The following POLA1 variants were observed in gnomAD, a reference collection of about 807,000 sequenced individuals.
POLA1 encodes DNA polymerase alpha 1, catalytic subunit.
In POLA1, 15 loss-of-function variants were observed where a neutral mutation model predicts 124.0. The observed-to-expected ratio is 0.12, with a 90% CI of 0.08 to 0.19. The LOEUF is 0.19. POLA1 is among the 10% of genes least tolerant of loss of function. POLA1 has a pLI of 1.00. For synonymous variants in POLA1, 408 were observed against 389.4 expected, an observed-to-expected ratio of 1.05 and a Z score of -0.56; for missense variants, 886 against 1,103.4, an observed-to-expected ratio of 0.80 and a Z score of 2.79.
intron 26 of POLA1, among the ~76,000 whole-genome samples, chrX:24,752,110 T>C (rs1277726273): frequency 1.8e-5 from 2 of 112,208 alleles, no homozygotes; most frequent in African/African-American, 6.5e-5. Context: ...TTGTGTTTGC[T>C]CAGTTTTCCT....
chrX:24,789,651 G>A (rs996966459), intron 26 of POLA1, among the ~76,000 whole-genome samples: 1 of 111,513 alleles, frequency 9.0e-6, no homozygotes, highest in African/African-American at 3.3e-5. Context: ...CTTTGCTGAA[G>A]TAACAGCTTG....
chrX:24,791,588 G>T (rs1249438304), intron 26 of POLA1, among the ~76,000 whole-genome samples: 3 of 112,210 alleles, frequency 2.7e-5, no homozygotes, highest in Non-Finnish European at 5.6e-5. Context: ...GTTTCATCAT[G>T]TTGGCCAGGA....
chrX:24,849,756 G>A (rs977073279), intron 34 of POLA1, among the ~76,000 whole-genome samples: 4 of 108,420 alleles, frequency 3.7e-5, no homozygotes, highest in African/African-American at 1.3e-4. Context: ...TCAGCCTCCC[G>A]AGTAGCTGGG....
At chrX:24,854,744 G>A (rs1054508931) in intron 34 of POLA1, among the ~76,000 whole-genome samples, 1 of 109,792 alleles carries the variant, frequency 9.1e-6, no homozygotes, top group Non-Finnish European at 1.9e-5. Context: ...CAGGAAAATC[G>A]CTTGGACCCA....
chrX:24,835,793 C>T (rs2046334703), intron 32 of POLA1, among the ~76,000 whole-genome samples: 1 of 111,112 alleles, frequency 9.0e-6, no homozygotes, highest in South Asian at 3.8e-4. Flanking sequence ...ACACTTCTTC[C>T]TAGGCAATGG....
At chrX:24,975,419 A>G (rs1361832129) in intron 36 of POLA1, among the ~76,000 whole-genome samples, 1 of 111,207 alleles carries the variant, frequency 9.0e-6, no homozygotes, top group Non-Finnish European at 1.9e-5. Flanking sequence ...ACATGTTAAC[A>G]TAGAAACCTT....
intron 32 of POLA1, 73 bp downstream of exon 32, chrX:24,826,674 T>G: frequency 6.1e-6 from 4 of 658,900 alleles, no homozygotes; most frequent in Non-Finnish European, 9.3e-6. Flanking sequence ...TCTCTTGAGA[T>G]CTCTGCTTAT....
chrX:24,862,706 AAG>A (rs1368365526), intron 34 of POLA1, among the ~76,000 whole-genome samples: 1 of 112,080 alleles, frequency 8.9e-6, no homozygotes, highest in Admixed American at 9.5e-5. Context: ...CATCAGTCAC[AAG>A]AGAGAGACAA....
In POLA1 at chrX:24,946,096, A is replaced by C. The variant is rs1261371251; in HGVS notation, c.4261+15547A>C. Reference sequence around the variant, plus strand: ...TGCTGGGGAGGATGGGGGATCTTTCAAGGAGACTGGATAGGTAACTGGGGA... The same window carrying C: ...TGCTGGGGAGGATGGGGGATCTTTCCAGGAGACTGGATAGGTAACTGGGGA... On this transcript the variant is annotated intron_variant, in intron 36 of 36. Transcript: ENST00000379068. Among the ~76,000 whole-genome samples, 4 of 111,201 alleles carry C rather than the reference A, an allele frequency of 3.6e-5. No homozygotes were observed. The Admixed American group carries it at 3.8e-4, about 11-fold the overall frequency.
rs771237677 is a variant in POLA1 at position 24,727,927 on chromosome X, T to C, written c.1677T>C (p.His559=). 3 of 1,205,773 alleles carry C rather than the reference T, an allele frequency of 2.5e-6. No homozygotes were observed. Among genetic ancestry groups the C allele is most frequent in the Non-Finnish European group, 3.4e-6 (3 of 891,825 alleles). The change falls in exon 15 of 37, where the codon CAT becomes CAC. Residue 559 remains histidine, a synonymous_variant. Transcript: ENST00000379068. ...SMKTMQNAKN[H]QNEIIAMAAL... ...AGACAATGCAGAATGCAAAGAACCA[T>C]CAAAATGAGGTTTAAAAAATAGGAC...
At chrX:24,781,256 C>CT (rs1408561762) in intron 26 of POLA1, among the ~76,000 whole-genome samples, 2 of 111,374 alleles carry the variant, frequency 1.8e-5, no homozygotes, top group Non-Finnish European at 3.8e-5. Context: ...GGTGCCTTTC[C>CT]TTTTTACCAA....
intron 26 of POLA1, among the ~76,000 whole-genome samples, chrX:24,761,359 G>A (rs1186089197): frequency 1.9e-5 from 2 of 107,764 alleles, no homozygotes; most frequent in Non-Finnish European, 3.9e-5. Flanking sequence ...ATGATTTGGA[G>A]TGTCAGACAT....
intron 34 of POLA1, among the ~76,000 whole-genome samples, chrX:24,865,870 G>A (rs945251475): frequency 9.0e-6 from 1 of 111,214 alleles, no homozygotes; most frequent in Non-Finnish European, 1.9e-5. Flanking sequence ...TATTCTCAAA[G>A]AATTAATGAT....
intron 34 of POLA1, among the ~76,000 whole-genome samples, chrX:24,843,892 G>A (rs1247821027): frequency 1.8e-5 from 2 of 111,336 alleles, no homozygotes; most frequent in Admixed American, 9.5e-5. Flanking sequence ...TTTCATTTAC[G>A]AGCAGTATTT....
chrX:24,740,944 G>A (rs11573363), intron 20 of POLA1, among the ~76,000 whole-genome samples: 4,400 of 110,411 alleles, frequency 0.04, 218 homozygotes, highest in African/African-American at 0.14. Flanking sequence ...TGTCTCCCCC[G>A]TGAGGACATA....
intron 10 of POLA1, among the ~76,000 whole-genome samples, chrX:24,720,514 A>G (rs1006369582): frequency 8.9e-6 from 1 of 112,122 alleles, no homozygotes; most frequent in African/African-American, 3.2e-5. Flanking sequence ...TGCATTTGCT[A>G]CTATTCCTGA....
Position 24,723,207 on chromosome X carries a change from G to A in POLA1, c.1140G>A (p.Val380=). 2 of 1,208,658 alleles carry A rather than the reference G, an allele frequency of 1.7e-6. No individual in the cohort carries two copies. Among genetic ancestry groups the A allele is most frequent in the Non-Finnish European group, 2.2e-6 (2 of 892,582 alleles). ...GGATTGAATCAGCCGAGACCCATGT[G>A]AGCTGTTGTGTCATGGTGAAAAATA... ...KVWIESAETH[V]SCCVMVKNIE... Residue 380 remains valine, a synonymous_variant, in exon 11 of 37, where the codon GTG becomes GTA. Transcript: ENST00000379068.
At chrX:24,838,620 A>G (rs1010538536) in intron 32 of POLA1, among the ~76,000 whole-genome samples, 8 of 112,818 alleles carry the variant, frequency 7.1e-5, no homozygotes, top group Admixed American at 5.6e-4. Context: ...TCAGTTTTGC[A>G]TTTCTTGCTC....
chrX:24,918,421 A>G (rs1382217874), intron 35 of POLA1, among the ~76,000 whole-genome samples: 1 of 111,801 alleles, frequency 8.9e-6, no homozygotes, highest in Non-Finnish European at 1.9e-5. Context: ...CAGTAGAGAT[A>G]CATTAAAGGT....
Sources: gnomAD v4.1 joint callset for allele counts (sites outside exome capture counted in the v4.1 genomes callset) on GRCh38, gnomAD v4.1.1 for gene constraint, MANE v1.5 for transcripts, NCBI Gene and HGNC (gene_info 2026-07-23, HGNC 2026-07-21) for gene names.